HCK: variants seen among roughly 807,000 people sequenced by gnomAD.
HCK encodes the protein tyrosine-protein kinase HCK.
Under a neutral mutation model 70.4 loss-of-function variants are expected in HCK, and 40 were observed. The ratio of observed to expected loss-of-function variants is 0.57; its 90% CI spans 0.44 to 0.74. The LOEUF is 0.74. Ranked by LOEUF, HCK falls within the 30% of genes least tolerant of loss-of-function variation. HCK has a pLI of 0.00. For missense variants in HCK, 568 were observed against 697.2 expected (o/e 0.81, Z 2.09); for synonymous variants, 245 against 263.2 (o/e 0.93, Z 0.67).
intron 1 of HCK, among the ~76,000 whole-genome samples, chr20:32,061,178 T>C (rs576206544): frequency 6.2e-4 from 95 of 152,282 alleles, no homozygotes; most frequent in Admixed American, 1.3e-3. Context: ...GAGACGGGGT[T>C]TCACCATGTT....
intron 7 of HCK, 89 bp from the exon 8 acceptor site, chr20:32,084,302 C>A: frequency 7.2e-7 from 1 of 1,383,656 alleles, no homozygotes. Flanking sequence ...CTGGAGAGAT[C>A]CAGTGGACCA....
chr20:32,090,987 T>C (rs1389360421), intron 10 of HCK, among the ~76,000 whole-genome samples: 9 of 152,226 alleles, frequency 5.9e-5, no homozygotes, highest in Admixed American at 6.5e-5. Flanking sequence ...GATGTAGGCT[T>C]AGGGGATTCA....
chr20:32,061,228 C>T (rs571985663), intron 1 of HCK, among the ~76,000 whole-genome samples: 37 of 152,224 alleles, frequency 2.4e-4, no homozygotes, highest in African/African-American at 8.4e-4. Context: ...GTGATTCGCC[C>T]GCCTTGGCCT....
intron 4 of HCK, 58 bp downstream of exon 4, chr20:32,073,876 C>T (rs2045582811): frequency 1.0e-5 from 10 of 992,278 alleles, no homozygotes; most frequent in South Asian, 5.5e-5. Flanking sequence ...CAACTATGTG[C>T]TCTTTTGTGC....
chr20:32,090,717 C>T (rs1326775144), intron 10 of HCK, among the ~76,000 whole-genome samples: 1 of 152,112 alleles, frequency 6.6e-6, no homozygotes, highest in Non-Finnish European at 1.5e-5. Context: ...AATCTCACCG[C>T]CTTTATCAAC....
At chr20:32,077,820 G>T (rs1047250046) in intron 5 of HCK, among the ~76,000 whole-genome samples, 1 of 151,252 alleles carries the variant, frequency 6.6e-6, no homozygotes, top group Non-Finnish European at 1.5e-5. Context: ...CACTGCTCCC[G>T]GACACCTCCT....
chr20:32,066,431 C>G lies in HCK; in HGVS notation c.63-5231C>G, dbSNP rs2045460602. On this transcript the variant is annotated intron_variant, in intron 1 of 12. Coordinates refer to ENST00000375852, the MANE Select transcript of HCK (RefSeq NM_002110.5). Reference sequence around the variant, plus strand: ...GGTTCAAGCGATTCTCCTACCTCAGCCTCCCAAGTAGCTGGGATTACAGGT... The same window carrying G: ...GGTTCAAGCGATTCTCCTACCTCAGGCTCCCAAGTAGCTGGGATTACAGGT... Among the ~76,000 whole-genome samples the G allele has an allele frequency of 2.0e-5, 3 of 148,516 alleles. No individual in the cohort carries two copies. In the South Asian group the frequency reaches 6.6e-4, roughly 33 times the overall value.
chr20:32,064,283 C>T (rs1006797586), intron 1 of HCK, among the ~76,000 whole-genome samples: 2 of 152,110 alleles, frequency 1.3e-5, no homozygotes, highest in South Asian at 2.1e-4. Flanking sequence ...CATGAGCCAC[C>T]GCGCCCATCC....
At chr20:32,093,761 T>G in intron 10 of HCK, 102 bp from the exon 11 acceptor site, 2 of 1,100,988 alleles carry the variant, frequency 1.8e-6, no homozygotes, top group Non-Finnish European at 2.6e-6. Context: ...GGTGCAGACA[T>G]TTCGCATTTT....
chr20:32,094,293 A>G (rs60782500), intron 11 of HCK, among the ~76,000 whole-genome samples: 2,219 of 152,340 alleles, frequency 0.015, 49 homozygotes, highest in African/African-American at 0.049. Flanking sequence ...AGCTTTGTGC[A>G]TAACAGACAA....
rs1001582323 is a variant in HCK at position 32,052,417 on chromosome 20, C to T, written c.-8C>T. 19 of 1,286,898 alleles carry T rather than the reference C, an allele frequency of 1.5e-5. No homozygotes were observed. The highest frequency in any genetic ancestry group is 1.3e-4 in the Admixed American group (3 of 23,982). The allele number at this position is 1,286,898 out of a possible 1,614,324, so 79.7% of individuals were successfully genotyped here. On this transcript the variant is annotated 5_prime_UTR_variant, in exon 1 of 13. Transcript: ENST00000375852. ...CACTGGCACCCCGGAACCTCAGGGGCTGCCGAGCTGGGGGGGCGCTCAAGC... is the reference window on the plus strand; with the variant it reads ...CACTGGCACCCCGGAACCTCAGGGGTTGCCGAGCTGGGGGGGCGCTCAAGC...
chr20:32,078,046 T>C (rs1389193294), intron 5 of HCK, among the ~76,000 whole-genome samples: 1 of 151,446 alleles, frequency 6.6e-6, no homozygotes, highest in Admixed American at 6.6e-5. Flanking sequence ...TTTGTTTGTT[T>C]GTTTTTGAGA....
chr20:32,085,611 T>C (rs1173248637), intron 8 of HCK, among the ~76,000 whole-genome samples: 1 of 151,998 alleles, frequency 6.6e-6, no homozygotes, highest in African/African-American at 2.4e-5. Context: ...GCCAAAAATA[T>C]CATATAAGAC....
intron 10 of HCK, 124 bp from the exon 11 acceptor site, chr20:32,093,735 CACAA>C: frequency 1.2e-6 from 1 of 849,292 alleles, no homozygotes; most frequent in Non-Finnish European, 1.8e-6. Context: ...GCCCTCCCGA[CACAA>C]AAGGGAGGGC....
intron 2 of HCK, chr20:32,072,301 A>C (rs377239025): frequency 1.3e-5 from 2 of 156,060 alleles, no homozygotes; most frequent in Admixed American, 6.2e-5. Flanking sequence ...TGTTTATACA[A>C]AGCTGACTAT....
At position 32,058,605 on chromosome 20, in the gene HCK, AACACACACAC is replaced by A. The variant is rs60349531; in HGVS notation, c.62+6145_62+6154del. Among the ~76,000 whole-genome samples the A allele has an allele frequency of 6.8e-4, 97 of 142,432 alleles. 2 individuals are homozygous for A. In the East Asian group the frequency reaches 0.018, roughly 27 times the overall value. 93.4% of individuals were successfully genotyped at this position (142,432 alleles called of 152,430 possible). A position where few individuals can be genotyped will look rare whatever the true frequency, so the allele number is the denominator to read the frequency against. Reference sequence around the variant, plus strand: ...TGCAGCACAATTCCTTTTATGTCAAAACACACACACACACACACACACACACACACACACA... The same window carrying A: ...TGCAGCACAATTCCTTTTATGTCAAAACACACACACACACACACACACACA... On this transcript the variant is annotated intron_variant, in intron 1 of 12. Coordinates refer to ENST00000375852, the MANE Select transcript of HCK (RefSeq NM_002110.5).
At chr20:32,079,503 C>T (rs2045677486) in intron 5 of HCK, among the ~76,000 whole-genome samples, 1 of 152,162 alleles carries the variant, frequency 6.6e-6, no homozygotes, top group Non-Finnish European at 1.5e-5. Flanking sequence ...TATTATTTTT[C>T]TTAAAGGAAG....
At chr20:32,086,524 A>T (rs1366182002) in intron 8 of HCK, 104 bp from the exon 9 acceptor site, 2 of 907,282 alleles carry the variant, frequency 2.2e-6, no homozygotes, top group African/African-American at 3.4e-5. Flanking sequence ...TGAGATGAGC[A>T]GGAAAGACTT....
intron 1 of HCK, among the ~76,000 whole-genome samples, chr20:32,059,279 TCTTC>T (rs11272727): frequency 4.1e-5 from 6 of 146,070 alleles, no homozygotes; most frequent in Admixed American, 6.9e-5. Context: ...AATGTTTTAA[TCTTC>T]CTTCCTTCCT....
Sources: gnomAD v4.1 joint callset for allele counts (sites outside exome capture counted in the v4.1 genomes callset) on GRCh38, gnomAD v4.1.1 for gene constraint, MANE v1.5 for transcripts, NCBI Gene and HGNC (gene_info 2026-07-23, HGNC 2026-07-21) for gene names.